KDM4B: variants seen among roughly 807,000 people sequenced by gnomAD.
KDM4B encodes the protein lysine-specific demethylase 4B.
A neutral mutation model predicts 125.2 loss-of-function variants in KDM4B; 32 were observed. The observed-to-expected ratio is 0.26, with a 90% CI of 0.19 to 0.34. The LOEUF (loss-of-function observed/expected upper bound fraction) is 0.34. KDM4B is among the 10% of genes least tolerant of loss of function. KDM4B has a pLI of 1.00. For synonymous variants in KDM4B, 721 were observed against 677.9 expected (o/e 1.06, Z -0.99); for missense variants, 1,190 against 1,577.7 (o/e 0.75, Z 4.16).
rs536922962 is a variant in KDM4B at position 5,113,825 on chromosome 19, C to T, written c.1115+3007C>T. On this transcript the variant is annotated intron_variant, in intron 10 of 22. Transcript: ENST00000159111. ...AGGGTGGGCGCCATGCCCTCACCCC[C>T]GTGCAGTCCAGCCTTCCCTGCCCTC... is the stretch of plus-strand genomic sequence containing the variant. The T allele has an allele frequency of 1.4e-5, 13 of 936,608 alleles. No individual in the cohort carries two copies. In the Admixed American group the frequency reaches 2.5e-4, roughly 18 times the overall value. 58.0% of individuals were successfully genotyped at this position (936,608 alleles called of 1,614,324 possible).
At chr19:5,031,619 C>T (rs2036461954) in intron 2 of KDM4B, among the ~76,000 whole-genome samples, 1 of 152,226 alleles carries the variant, frequency 6.6e-6, no homozygotes, top group South Asian at 2.1e-4. Context: ...GGTATCAGCC[C>T]TGTGTGCTGC....
chr19:5,106,457 G>T lies in KDM4B; in HGVS notation c.919-4165G>T, dbSNP rs1374828203. ...TCAGCTCCTCCTTGCATCCTCCTGA[G>T]GCCGCCAGGGTCTGCTCCATGCTCA... On this transcript the variant is annotated intron_variant, in intron 9 of 22. Coordinates refer to ENST00000159111, the MANE Select transcript of KDM4B (RefSeq NM_015015.3). Among the ~76,000 whole-genome samples the T allele has an allele frequency of 2.0e-5, 3 of 152,174 alleles. No individual in the cohort carries two copies. In the East Asian group the frequency reaches 5.8e-4, roughly 29 times the overall value.
chr19:5,082,025 G>C lies in KDM4B; in HGVS notation c.781-342G>C, dbSNP rs906257695. Among the ~76,000 whole-genome samples, 1 of 152,116 alleles carries C rather than the reference G, an allele frequency of 6.6e-6. No homozygotes were observed. Among genetic ancestry groups the C allele is most frequent in the Non-Finnish European group, 1.5e-5 (1 of 67,994 alleles). ...AAGGTCCGGCTGGAGACACCCCCAC[G>C]GGCATTGTGTCCAGCCACGGCTCCA... is the stretch of plus-strand genomic sequence containing the variant. On this transcript the variant is annotated intron_variant, in intron 8 of 22. Transcript: ENST00000159111. The surrounding 1 kb of genome is among the most constrained non-coding windows in gnomAD (Gnocchi z 5.4).
At chr19:4,975,169 G>GAAGAATATTTT (rs2034401835) in intron 1 of KDM4B, among the ~76,000 whole-genome samples, 1 of 152,156 alleles carries the variant, frequency 6.6e-6, no homozygotes, top group Non-Finnish European at 1.5e-5. Context: ...TTCTGGAAGG[G>GAAGAATATTTT]CCGGAGAATA....
chr19:4,993,619 T>G (rs900136876), intron 1 of KDM4B, among the ~76,000 whole-genome samples: 2 of 148,906 alleles, frequency 1.3e-5, no homozygotes, highest in Admixed American at 6.7e-5. Flanking sequence ...TTTTTGTTTG[T>G]TTTTTTTTTG....
At chr19:5,049,242 A>G (rs2037141939) in intron 6 of KDM4B, among the ~76,000 whole-genome samples, 1 of 152,088 alleles carries the variant, frequency 6.6e-6, no homozygotes, top group African/African-American at 2.4e-5. Flanking sequence ...TTCATCCAGG[A>G]CGCAGCCTCT....
At chr19:5,132,512 C>T (rs1599249885) in intron 13 of KDM4B, among the ~76,000 whole-genome samples, 3 of 151,978 alleles carry the variant, frequency 2.0e-5, no homozygotes, top group East Asian at 3.9e-4. Flanking sequence ...GTCTGGATGG[C>T]GTCTTTCATC....
Position 5,150,413 on chromosome 19 carries a change from T to A in KDM4B, c.3077T>A (p.Leu1026Gln), listed in dbSNP as rs998866826. The A allele has an allele frequency of 7.1e-6, 11 of 1,551,082 alleles. No homozygotes were observed. The highest frequency in any genetic ancestry group is 8.7e-6 in the Non-Finnish European group (10 of 1,146,934). ...GTGAAGCGTGGGGACATCTTCACCC[T>A]GGAGGAGGAGCTGCCCAAGAGGGTC... The part of the protein sequence containing the change: ...LTVKRGDIFT[L>Q]EEELPKRVRS... The change falls in exon 22 of 23, where the codon CTG (leucine) becomes CAG (glutamine). Residue 1026 changes from leucine to glutamine, a missense_variant. Around this residue, in one of 7 missense-constraint regions of KDM4B, gnomAD observed 298 missense variants for 439.7 expected, o/e 0.68. Coordinates refer to ENST00000159111, the MANE Select transcript of KDM4B (RefSeq NM_015015.3).
chr19:5,015,700 TAAA>T (rs1394865378), intron 1 of KDM4B, among the ~76,000 whole-genome samples: 3 of 152,098 alleles, frequency 2.0e-5, no homozygotes, highest in African/African-American at 7.2e-5. Flanking sequence ...AAAATAAAAA[TAAA>T]AAAGTCTTGG....
At chr19:5,124,486 C>T (rs1432835257) in intron 11 of KDM4B, among the ~76,000 whole-genome samples, 2 of 152,168 alleles carry the variant, frequency 1.3e-5, no homozygotes, top group Admixed American at 6.5e-5. Context: ...GTGTCTTCCT[C>T]CCTCTTGAGC....
chr19:5,081,801 G>T lies in KDM4B; in HGVS notation c.781-566G>T, dbSNP rs1009037375. 6.6e-5 allele frequency among the ~76,000 whole-genome samples: 10 copies of T among 152,288 alleles called. No individual in the cohort carries two copies. Among genetic ancestry groups the T allele is most frequent in the African/African-American group, 2.4e-4 (10 of 41,562 alleles). ...CAGGCCCCTTCCTGGCGTGTTTTGC[G>T]CGTGCAGTGGTGGTTCCTTTCTCAT... On this transcript the variant is annotated intron_variant, in intron 8 of 22. Transcript: ENST00000159111. This position sits in a 1 kb window ranked among gnomAD's most constrained non-coding sequence, Gnocchi z 4.2.
intron 17 of KDM4B, 35 bp downstream of exon 17, chr19:5,137,711 G>T: frequency 6.5e-7 from 1 of 1,547,444 alleles, no homozygotes; most frequent in Non-Finnish European, 8.7e-7. Flanking sequence ...TGGAGGGCCG[G>T]AGGGGAGCCT....
chr19:5,024,663 C>G (rs116737755), intron 2 of KDM4B, among the ~76,000 whole-genome samples: 1 of 151,650 alleles, frequency 6.6e-6, no homozygotes, highest in African/African-American at 2.4e-5. Context: ...AAAAAAAAGG[C>G]TTTAAGGCCA....
At chr19:5,023,758 AT>A (rs148293792) in intron 2 of KDM4B, among the ~76,000 whole-genome samples, 77 of 89,108 alleles carry the variant, frequency 8.6e-4, no homozygotes, top group Middle Eastern at 0.01. Context: ...GTCTTTTTGA[AT>A]TTTTTTTTTT....
At position 5,089,664 on chromosome 19, in the gene KDM4B, A is replaced by G. The variant is rs967237051; in HGVS notation, c.918+7160A>G. On this transcript the variant is annotated intron_variant, in intron 9 of 22. Transcript: ENST00000159111. ...AATTTGGGATACCTTAAAAATATGC[A>G]CTAACTTCTCAATATGGTTCTGTCT... 4.6e-5 allele frequency among the ~76,000 whole-genome samples: 7 copies of G among 151,242 alleles called. No homozygotes were observed. In the South Asian group the frequency reaches 1.3e-3, roughly 27 times the overall value.
intron 1 of KDM4B, among the ~76,000 whole-genome samples, chr19:4,983,135 C>CTTTTTTTTT (rs76958173): frequency 4.6e-5 from 6 of 130,654 alleles, no homozygotes; most frequent in African/African-American, 1.7e-4. Context: ...TTTTTCTTTT[C>CTTTTTTTTT]TTTTTTTTTT....
intron 6 of KDM4B, among the ~76,000 whole-genome samples, chr19:5,049,894 C>A (rs1401041118): frequency 6.6e-6 from 1 of 152,218 alleles, no homozygotes; most frequent in East Asian, 1.9e-4. Flanking sequence ...CCAGGCTGCC[C>A]TCCCAACTTG....
intron 1 of KDM4B, among the ~76,000 whole-genome samples, chr19:4,995,004 A>G (rs756024028): frequency 2.6e-5 from 4 of 152,136 alleles, no homozygotes; most frequent in Non-Finnish European, 5.9e-5. Flanking sequence ...TAATCAGTTC[A>G]ATGGCTTGGG....
At chr19:4,985,410 C>T (rs549986516) in intron 1 of KDM4B, among the ~76,000 whole-genome samples, 2 of 152,294 alleles carry the variant, frequency 1.3e-5, no homozygotes, top group African/African-American at 4.8e-5. Flanking sequence ...GAGGTCTCTG[C>T]TCCATCCATG....
Sources: allele counts gnomAD v4.1 joint callset (sites outside exome capture counted in the v4.1 genomes callset), GRCh38; gene constraint gnomAD v4.1.1; regional missense constraint gnomAD v4.1.1; non-coding constraint Gnocchi (gnomAD v3.1); transcripts MANE v1.5; gene names NCBI Gene and HGNC (gene_info 2026-07-23, HGNC 2026-07-21).